The following HSPH1 variants were observed in gnomAD, a reference collection of about 807,000 sequenced individuals.
HSPH1 encodes heat shock protein 105 kDa.
Under a neutral mutation model 100.0 loss-of-function variants are expected in HSPH1, and 40 were observed. The ratio of observed to expected loss-of-function variants is 0.40; its 90% CI spans 0.31 to 0.52. The LOEUF is 0.52. Ranked by LOEUF, HSPH1 falls within the 20% of genes least tolerant of loss-of-function variation. HSPH1 has a pLI of 0.54. For missense variants in HSPH1, 876 were observed against 1,015.1 expected (o/e 0.86, Z 1.86); for synonymous variants, 403 against 344.0 (o/e 1.17, Z -1.90).
intron 10 of HSPH1, among the ~76,000 whole-genome samples, chr13:31,146,810 G>GT (rs1242330496): frequency 6.6e-6 from 1 of 152,180 alleles, no homozygotes; most frequent in Non-Finnish European, 1.5e-5. Flanking sequence ...ATAGCCACAA[G>GT]TAAGTACTGT....
intron 8 of HSPH1, 108 bp from the exon 9 acceptor site, chr13:31,148,588 AAAC>A (rs1293995514): frequency 3.1e-4 from 154 of 489,970 alleles, no homozygotes; most frequent in Admixed American, 8.2e-4. Flanking sequence ...AAAAAAAAAA[AAAC>A]AACTCACATT....
chr13:31,151,572 C>A, intron 6 of HSPH1, 37 bp downstream of exon 6: 1 of 1,576,384 alleles, frequency 6.3e-7, no homozygotes. Context: ...CAACACTTAA[C>A]GTGTTTTGGA....
chr13:31,159,862 C>T (rs1332793484), intron 1 of HSPH1, among the ~76,000 whole-genome samples: 3 of 151,998 alleles, frequency 2.0e-5, no homozygotes, highest in Non-Finnish European at 4.4e-5. Flanking sequence ...GAGAAGTGTC[C>T]AAGCAGAAGC....
chr13:31,141,475 T>G (rs766422929), intron 12 of HSPH1, among the ~76,000 whole-genome samples: 4 of 152,012 alleles, frequency 2.6e-5, no homozygotes, highest in Non-Finnish European at 5.9e-5. Context: ...CACTGGGATA[T>G]TTTTCTCTTC....
chr13:31,143,503 T>C (rs1343831548), intron 12 of HSPH1, among the ~76,000 whole-genome samples: 2 of 152,134 alleles, frequency 1.3e-5, no homozygotes, highest in East Asian at 3.9e-4. Flanking sequence ...AGAAGATACC[T>C]CTGCTCTTTG....
At chr13:31,147,460 T>C (rs1263485489) in intron 10 of HSPH1, among the ~76,000 whole-genome samples, 1 of 152,022 alleles carries the variant, frequency 6.6e-6, no homozygotes, top group Non-Finnish European at 1.5e-5. Flanking sequence ...TAAAAGTAGA[T>C]GGATGGTGTC....
rs1251888341 is a variant in HSPH1 at position 31,138,532 on chromosome 13, T to G, written c.2245A>C (p.Lys749Gln). 2 of 1,613,074 alleles carry G rather than the reference T, an allele frequency of 1.2e-6. No homozygotes were observed. The highest frequency in any genetic ancestry group is 1.7e-6 in the Non-Finnish European group (2 of 1,179,322). Residue 749 changes from lysine to glutamine, a missense_variant, in exon 17 of 18, where the codon AAA becomes CAA. Transcript: ENST00000320027. The part of the protein sequence containing the change: ...KYNHIDESEM[K>Q]KVEKSVNEVM... ...TCATTAACAGACTTCTCCACTTTTTTCATTTCAGACTCATCAATATGGTTG... is the reference window on the plus strand; with the variant it reads ...TCATTAACAGACTTCTCCACTTTTTGCATTTCAGACTCATCAATATGGTTG...
At chr13:31,160,343 A>G (rs1339812015) in intron 1 of HSPH1, among the ~76,000 whole-genome samples, 1 of 152,242 alleles carries the variant, frequency 6.6e-6, no homozygotes, top group Non-Finnish European at 1.5e-5. Context: ...CGTTACTAAC[A>G]TTGCCAAATA....
At chr13:31,148,572 CAAAAA>C (rs33938762) in intron 8 of HSPH1, 92 bp from the exon 9 acceptor site, 36 of 136,350 alleles carry the variant, frequency 2.6e-4, no homozygotes, top group Non-Finnish European at 4.1e-4. Flanking sequence ...ACAGGGTTTT[CAAAAA>C]AAAAAAAAAA....
At chr13:31,140,146 T>C in intron 14 of HSPH1, 38 bp downstream of exon 14, 3 of 1,581,496 alleles carry the variant, frequency 1.9e-6, no homozygotes, top group Non-Finnish European at 2.6e-6. Flanking sequence ...ACACTTCATA[T>C]GAGACTATCT....
At chr13:31,144,353 A>G (rs767221312) in intron 11 of HSPH1, among the ~76,000 whole-genome samples, 8 of 152,124 alleles carry the variant, frequency 5.3e-5, no homozygotes, top group Non-Finnish European at 7.4e-5. Context: ...TCAATTTACT[A>G]AACAGTTACA....
At chr13:31,141,797 T>TATAC (rs749354268) in intron 12 of HSPH1, among the ~76,000 whole-genome samples, 3 of 124,132 alleles carry the variant, frequency 2.4e-5, no homozygotes, top group African/African-American at 9.2e-5. Flanking sequence ...TCCATACACA[T>TATAC]ACATACACAC....
At chr13:31,147,380 G>A (rs1321312272) in intron 10 of HSPH1, among the ~76,000 whole-genome samples, 3 of 152,060 alleles carry the variant, frequency 2.0e-5, no homozygotes, top group Non-Finnish European at 4.4e-5. Context: ...TGAGGCAAGG[G>A]TACGTCCTGA....
intron 4 of HSPH1, among the ~76,000 whole-genome samples, chr13:31,153,825 A>G (rs1216338678): frequency 2.5e-5 from 3 of 120,486 alleles, no homozygotes; most frequent in Admixed American, 1.8e-4. Flanking sequence ...CCAGGGGAAA[A>G]AAAATGTGGC....
intron 11 of HSPH1, among the ~76,000 whole-genome samples, chr13:31,144,423 ACTCACTCTGTC>A (rs1369525013): frequency 6.6e-6 from 1 of 152,114 alleles, no homozygotes; most frequent in Non-Finnish European, 1.5e-5. Context: ...GACAGCCAAG[ACTCACTCTGTC>A]CCCACTTTCT....
rs543410953 is a variant in HSPH1, at chr13:31,151,151, T to C, written c.704A>G (p.Asn235Ser). The C allele has an allele frequency of 1.9e-6, 3 of 1,613,100 alleles. No individual in the cohort carries two copies. Reference protein sequence around the residue: ...TAFDPFLGGKNFDEKLVEHFC... With the variant: ...TAFDPFLGGKSFDEKLVEHFC... Reference sequence around the variant, plus strand: ...ATGTTCCACTAACTTTTCATCGAAGTTTTTTCCTCCTAAGAAAGGATCAAA... The same window carrying C: ...ATGTTCCACTAACTTTTCATCGAAGCTTTTTCCTCCTAAGAAAGGATCAAA... The change falls in exon 7 of 18, where the codon AAC (asparagine) becomes AGC (serine). Residue 235 changes from asparagine (N) to serine (S), a missense_variant. By Grantham distance (46) the Asn-to-Ser change is conservative. Transcript: ENST00000320027.
intron 1 of HSPH1, among the ~76,000 whole-genome samples, chr13:31,160,306 A>ACAGGTTGCT (rs2137668446): frequency 6.6e-6 from 1 of 152,354 alleles, no homozygotes; most frequent in South Asian, 2.1e-4. Flanking sequence ...GGGTAGACGT[A>ACAGGTTGCT]CAGGTTGCTC....
intron 11 of HSPH1, 67 bp downstream of exon 11, chr13:31,145,496 C>T (rs550447792): frequency 1.3e-4 from 161 of 1,215,936 alleles, no homozygotes; most frequent in Non-Finnish European, 1.7e-4. Context: ...CCTTCCCTAC[C>T]CAATTCTCCT....
At chr13:31,140,094 T>C (rs531724533) in intron 14 of HSPH1, 90 bp downstream of exon 14, 25 of 1,250,756 alleles carry the variant, frequency 2.0e-5, no homozygotes, top group Middle Eastern at 4.1e-4. Flanking sequence ...AGTTACATAA[T>C]TGAGTAAAAG....
Sources: gnomAD v4.1 joint callset for allele counts (sites outside exome capture counted in the v4.1 genomes callset) on GRCh38, gnomAD v4.1.1 for gene constraint, MANE v1.5 for transcripts, NCBI Gene and HGNC (gene_info 2026-07-23, HGNC 2026-07-21) for gene names.